The following IGF2BP2 variants were observed in gnomAD, a reference collection of about 807,000 sequenced individuals.
IGF2BP2 encodes insulin like growth factor 2 mRNA binding protein 2.
A neutral mutation model predicts 75.8 loss-of-function variants in IGF2BP2; 17 were observed. The ratio of observed to expected loss-of-function variants is 0.22; its 90% confidence interval spans 0.15 to 0.34. The LOEUF (loss-of-function observed/expected upper bound fraction) is 0.34. Among genes scored for constraint, IGF2BP2 ranks in the 10% least tolerant of loss-of-function variants. The pLI is 1.00. For synonymous variants in IGF2BP2, 288 were observed against 295.6 expected (o/e 0.97, Z 0.26); for missense variants, 516 against 772.4 (o/e 0.67, Z 3.93).
At chr3:185,675,004 CT>C (rs1218267725) in intron 9 of IGF2BP2, 1 of 159,716 alleles carries the variant, frequency 6.3e-6, no homozygotes, top group South Asian at 1.7e-4. Flanking sequence ...GTTATTCTTG[CT>C]TTTCTTTTTT....
chr3:185,808,269 A>G (rs986233295), intron 2 of IGF2BP2, among the ~76,000 whole-genome samples: 1 of 152,040 alleles, frequency 6.6e-6, no homozygotes, highest in African/African-American at 2.4e-5. Flanking sequence ...TGAGGTCAGG[A>G]GTTCAAGACC....
At chr3:185,792,133 G>A (rs1736718492) in intron 2 of IGF2BP2, among the ~76,000 whole-genome samples, 1 of 152,130 alleles carries the variant, frequency 6.6e-6, no homozygotes, top group African/African-American at 2.4e-5. Context: ...GCTACCATCG[G>A]CTTGAATACA....
At chr3:185,782,579 TC>T (rs1207136933) in intron 2 of IGF2BP2, among the ~76,000 whole-genome samples, 1 of 152,158 alleles carries the variant, frequency 6.6e-6, no homozygotes, top group East Asian at 1.9e-4. Flanking sequence ...AAAAGGGCTT[TC>T]CACTATACCA....
At chr3:185,678,636 T>C (rs1213941878) in intron 7 of IGF2BP2, among the ~76,000 whole-genome samples, 2 of 152,210 alleles carry the variant, frequency 1.3e-5, no homozygotes, top group African/African-American at 4.8e-5. Flanking sequence ...AATGTTCTTG[T>C]ATGTCTGTTG....
At chr3:185,662,235 TGG>T (rs1417577836) in intron 10 of IGF2BP2, among the ~76,000 whole-genome samples, 1 of 152,078 alleles carries the variant, frequency 6.6e-6, no homozygotes, top group African/African-American at 2.4e-5. Context: ...CCCAGCACTT[TGG>T]GAGGCCGAGG....
chr3:185,772,306 A>G (rs1733986163), intron 2 of IGF2BP2, among the ~76,000 whole-genome samples: 1 of 152,206 alleles, frequency 6.6e-6, no homozygotes, highest in African/African-American at 2.4e-5. Flanking sequence ...AGTTTTATTC[A>G]GTGGGCTGTT....
chr3:185,700,727 T>C (rs980258872), intron 2 of IGF2BP2, among the ~76,000 whole-genome samples: 2 of 152,098 alleles, frequency 1.3e-5, no homozygotes, highest in African/African-American at 2.4e-5. Flanking sequence ...TGGAAGAAAC[T>C]CACGAATGAG....
intron 13 of IGF2BP2, 78 bp downstream of exon 13, chr3:185,652,016 G>C (rs967884263): frequency 8.7e-7 from 1 of 1,144,792 alleles, no homozygotes; most frequent in East Asian, 2.5e-5. Flanking sequence ...GGCCTCCAAA[G>C]AAGAGCCTTG....
At position 185,801,489 on chromosome 3, in the gene IGF2BP2, CA is replaced by C. The variant is rs35823870; in HGVS notation, c.239+21663del. Among the ~76,000 whole-genome samples the C allele has an allele frequency of 5.8e-3, 298 of 51,676 alleles. 1 individual carries two copies. The highest frequency in any genetic ancestry group is 0.01 in the African/African-American group (153 of 15,038). 33.9% of individuals were successfully genotyped at this position (51,676 alleles called of 152,430 possible). ...GGGCAACAAGAGCAAAACTCCATCT[CA>C]AAAAAAAAAAAAAAAAAAAAGTCAG... is the stretch of plus-strand genomic sequence containing the variant. On this transcript the variant is annotated intron_variant, in intron 2 of 15. Coordinates refer to ENST00000382199, the MANE Select transcript of IGF2BP2 (RefSeq NM_006548.6).
intron 12 of IGF2BP2, among the ~76,000 whole-genome samples, chr3:185,656,795 G>A (rs1715508751): frequency 6.6e-6 from 1 of 152,234 alleles, no homozygotes; most frequent in Admixed American, 6.5e-5. Flanking sequence ...CGTCCTTCCT[G>A]AGTTGCTATG....
intron 6 of IGF2BP2, among the ~76,000 whole-genome samples, chr3:185,687,572 C>T (rs150324231): frequency 6.6e-6 from 1 of 152,206 alleles, no homozygotes; most frequent in Non-Finnish European, 1.5e-5. Flanking sequence ...GGTCTCTGAA[C>T]TGATTGCAGC....
intron 12 of IGF2BP2, among the ~76,000 whole-genome samples, chr3:185,652,704 TAAGTA>T (rs1240155230): frequency 6.6e-6 from 1 of 152,162 alleles, no homozygotes; most frequent in African/African-American, 2.4e-5. Context: ...AAGTGGGTCA[TAAGTA>T]AAACAGCAGC....
At chr3:185,741,228 A>C (rs1729514055) in intron 2 of IGF2BP2, among the ~76,000 whole-genome samples, 1 of 152,024 alleles carries the variant, frequency 6.6e-6, no homozygotes, top group Non-Finnish European at 1.5e-5. Flanking sequence ...AAAATACTCC[A>C]ATAGCATATA....
Position 185,723,775 on chromosome 3 carries a change from A to C in IGF2BP2, c.240-25428T>G, listed in dbSNP as rs577396030. On this transcript the variant is annotated intron_variant, in intron 2 of 15. Coordinates refer to ENST00000382199, the MANE Select transcript of IGF2BP2 (RefSeq NM_006548.6). ...AATGGGGTGAAATCATTCCAGAAGA[A>C]CAGACAGCATACGATGGGAGCTCAG... is the stretch of plus-strand genomic sequence containing the variant. 5.9e-5 allele frequency among the ~76,000 whole-genome samples: 9 copies of C among 152,316 alleles called. No individual in the cohort carries two copies. In the South Asian group the frequency reaches 1.2e-3, roughly 21 times the overall value.
intron 2 of IGF2BP2, among the ~76,000 whole-genome samples, chr3:185,741,513 T>TGGCA (rs1418953489): frequency 6.6e-6 from 1 of 152,260 alleles, no homozygotes; most frequent in African/African-American, 2.4e-5. Flanking sequence ...CAGTGGTGAG[T>TGGCA]GGCACCCTGT....
chr3:185,785,742 G>A (rs1407474277), intron 2 of IGF2BP2, among the ~76,000 whole-genome samples: 1 of 152,142 alleles, frequency 6.6e-6, no homozygotes, highest in East Asian at 1.9e-4. Context: ...GAACCCAGAA[G>A]TTTGAGACTA....
Position 185,766,043 on chromosome 3 carries a change from C to T in IGF2BP2, c.239+57110G>A, listed in dbSNP as rs533315999. On this transcript the variant is annotated intron_variant, in intron 2 of 15. Coordinates refer to ENST00000382199, the MANE Select transcript of IGF2BP2 (RefSeq NM_006548.6). Reference sequence around the variant, plus strand: ...TCCCTTTTCCAAAACCAAAGGCACACATGAAGATGGGAGAAAATGTGGAGG... The same window carrying T: ...TCCCTTTTCCAAAACCAAAGGCACATATGAAGATGGGAGAAAATGTGGAGG... Among the ~76,000 whole-genome samples the T allele has an allele frequency of 5.3e-5, 8 of 152,202 alleles. No individual in the cohort carries two copies. The South Asian group carries it at 1.0e-3, about 20-fold the overall frequency.
intron 2 of IGF2BP2, among the ~76,000 whole-genome samples, chr3:185,737,054 T>C (rs1420085853): frequency 1.3e-5 from 2 of 152,268 alleles, no homozygotes; most frequent in African/African-American, 4.8e-5. Flanking sequence ...TTTGTGATGT[T>C]TCGCATTAAT....
chr3:185,667,263 T>A (rs1195070133), intron 10 of IGF2BP2, among the ~76,000 whole-genome samples: 1 of 134,864 alleles, frequency 7.4e-6, no homozygotes, highest in African/African-American at 2.5e-5. Flanking sequence ...AGATAAATTC[T>A]CCATGAATTG....
Sources: allele counts gnomAD v4.1 joint callset (sites outside exome capture counted in the v4.1 genomes callset), GRCh38; gene constraint gnomAD v4.1.1; transcripts MANE v1.5; gene names NCBI Gene and HGNC (gene_info 2026-07-23, HGNC 2026-07-21).